Variants in MYO3B observed in about 807,000 individuals in gnomAD.
The protein encoded by MYO3B is myosin-IIIb.
Under a neutral mutation model 174.6 loss-of-function variants are expected in MYO3B, and 156 were observed. The ratio of observed to expected loss-of-function variants is 0.89; its 90% confidence interval spans 0.78 to 1.02. The LOEUF is 1.02. MYO3B is among the 50% of genes least tolerant of loss of function. The pLI, the probability that MYO3B is intolerant of heterozygous loss-of-function variation, is 0.00. For missense variants in MYO3B, 1,632 were observed against 1,639.4 expected (o/e 1.00, Z 0.08); for synonymous variants, 563 against 569.1 (o/e 0.99, Z 0.15).
At chr2:170,445,420 C>A (rs1445934190) in intron 23 of MYO3B, among the ~76,000 whole-genome samples, 1 of 151,786 alleles carries the variant, frequency 6.6e-6, no homozygotes, top group African/African-American at 2.4e-5. Context: ...TGGCTCACCA[C>A]AACCTCTGCC....
At chr2:170,423,171 T>TG (rs1310628240) in intron 22 of MYO3B, among the ~76,000 whole-genome samples, 1 of 151,586 alleles carries the variant, frequency 6.6e-6, no homozygotes, top group East Asian at 2.0e-4. Flanking sequence ...TTAGTAGAGA[T>TG]GGGGTTTCAC....
At position 170,649,320 on chromosome 2, in the gene MYO3B, AATAAT is replaced by A. The variant is rs1446834273; in HGVS notation, c.3734-2299_3734-2295del. 2.1e-3 allele frequency among the ~76,000 whole-genome samples: 202 copies of A among 95,692 alleles called. 8 individuals are homozygous for A. The highest frequency in any genetic ancestry group is 5.4e-3 in the Middle Eastern group (1 of 186). 62.8% of individuals were successfully genotyped at this position (95,692 alleles called of 152,430 possible). A position where few individuals can be genotyped will look rare whatever the true frequency, so the allele number is the denominator to read the frequency against. On this transcript the variant is annotated intron_variant, in intron 32 of 34. Transcript: ENST00000408978. Reference sequence around the variant, plus strand: ...ATAAAATAATATATATTATATATAAAATAATATAATATATATTATATATAAAATAA... The same window carrying A: ...ATAAAATAATATATATTATATATAAAATAATATATATTATATATAAAATAA...
chr2:170,500,383 T>C (rs1427153719), intron 27 of MYO3B, among the ~76,000 whole-genome samples: 2 of 152,146 alleles, frequency 1.3e-5, no homozygotes, highest in African/African-American at 4.8e-5. Flanking sequence ...TTTACTCCAG[T>C]CTTTCTTCCT....
At chr2:170,549,579 G>T (rs1227573357) in intron 32 of MYO3B, among the ~76,000 whole-genome samples, 2 of 151,928 alleles carry the variant, frequency 1.3e-5, no homozygotes, top group Non-Finnish European at 2.9e-5. Context: ...ATAGTTTTTG[G>T]CAGCAATTCA....
At chr2:170,221,656 A>G (rs1420308601) in intron 6 of MYO3B, among the ~76,000 whole-genome samples, 5 of 152,230 alleles carry the variant, frequency 3.3e-5, no homozygotes, top group African/African-American at 7.2e-5. Context: ...CCCTTAGTGT[A>G]TTAGAACTTT....
At chr2:170,501,373 A>C (rs1479996124) in intron 27 of MYO3B, among the ~76,000 whole-genome samples, 1 of 152,172 alleles carries the variant, frequency 6.6e-6, no homozygotes, top group Non-Finnish European at 1.5e-5. Context: ...CAAATAACAG[A>C]TTTTGAAAGG....
At chr2:170,414,445 C>T (rs926100128) in intron 22 of MYO3B, among the ~76,000 whole-genome samples, 3 of 152,150 alleles carry the variant, frequency 2.0e-5, no homozygotes, top group African/African-American at 7.2e-5. Context: ...CCTCAGCCTC[C>T]CAAAGTGTGG....
intron 3 of MYO3B, among the ~76,000 whole-genome samples, chr2:170,205,031 A>AG (rs1393492681): frequency 2.6e-4 from 40 of 152,120 alleles, no homozygotes; most frequent in African/African-American, 9.7e-4. Flanking sequence ...TCAACTTCAC[A>AG]GGACAGCTTC....
At position 170,652,130 on chromosome 2, in the gene MYO3B, G is replaced by C. The variant is rs1217203858; in HGVS notation, c.3863G>C (p.Ser1288Thr). The change falls in exon 34 of 35, where the codon AGC becomes ACC. Residue 1288 changes from serine (S) to threonine (T), a missense_variant. Coordinates refer to ENST00000408978, the MANE Select transcript of MYO3B (RefSeq NM_138995.5). ...CAGGGAACTCTAGAATATCAAGGGAGCAAGAGGAAGCCAAGAAAACTTGGG... is the reference window on the plus strand; with the variant it reads ...CAGGGAACTCTAGAATATCAAGGGACCAAGAGGAAGCCAAGAAAACTTGGG... Reference protein sequence around the residue: ...QLNGTLEYQGSKRKPRKLGQI... With the variant: ...QLNGTLEYQGTKRKPRKLGQI... 6.2e-7 allele frequency: 1 copy of C among 1,613,930 alleles called. No individual in the cohort carries two copies. Among genetic ancestry groups the C allele is most frequent in the African/African-American group, 1.3e-5 (1 of 74,922 alleles).
chr2:170,507,923 T>C (rs888147537), intron 28 of MYO3B, among the ~76,000 whole-genome samples: 1 of 152,306 alleles, frequency 6.6e-6, no homozygotes, highest in South Asian at 2.1e-4. Context: ...ATGGCATAGC[T>C]TGGAATGCAC....
At chr2:170,453,452 A>G (rs867236943) in intron 23 of MYO3B, among the ~76,000 whole-genome samples, 36 of 116,130 alleles carry the variant, frequency 3.1e-4, no homozygotes, top group African/African-American at 9.3e-4. Flanking sequence ...ACACACACAC[A>G]CGAGAGAGAG....
At chr2:170,503,688 C>T (rs1687433383) in intron 28 of MYO3B, among the ~76,000 whole-genome samples, 4 of 150,548 alleles carry the variant, frequency 2.7e-5, no homozygotes. Context: ...CCTCCCCTTT[C>T]TTAGCCTTGC....
At chr2:170,636,126 GTT>G (rs1341941471) in intron 32 of MYO3B, among the ~76,000 whole-genome samples, 105 of 152,246 alleles carry the variant, frequency 6.9e-4, no homozygotes, top group Non-Finnish European at 1.0e-4. Flanking sequence ...ACATATTCCA[GTT>G]ACCTTATTAT....
intron 12 of MYO3B, among the ~76,000 whole-genome samples, chr2:170,384,207 A>G (rs2094356891): frequency 6.6e-6 from 1 of 152,194 alleles, no homozygotes; most frequent in Non-Finnish European, 1.5e-5. Context: ...TTCATGATTC[A>G]GTCTTTTTTG....
At position 170,584,193 on chromosome 2, in the gene MYO3B, C is replaced by T. The variant is rs989463419; in HGVS notation, c.3733+40205C>T. Among the ~76,000 whole-genome samples, 3 of 152,250 alleles carry T rather than the reference C, an allele frequency of 2.0e-5. No individual in the cohort carries two copies. In the South Asian group the frequency reaches 6.2e-4, roughly 31 times the overall value. ...CTTTTCATCCAGGATTGTGGTCCCCCTATGGGGCTCTAATTCTGTGGTGTA... is the reference window on the plus strand; with the variant it reads ...CTTTTCATCCAGGATTGTGGTCCCCTTATGGGGCTCTAATTCTGTGGTGTA... On this transcript the variant is annotated intron_variant, in intron 32 of 34. Coordinates refer to ENST00000408978, the MANE Select transcript of MYO3B (RefSeq NM_138995.5).
rs556117113 is a variant in MYO3B at position 170,222,476 on chromosome 2, A to G, written c.603+5081A>G. Reference sequence around the variant, plus strand: ...TTCCTCTGAAGCCTCTAGGGGAGGGATCTTGCTTTGTCTCTTCCCAGCTAC... The same window carrying G: ...TTCCTCTGAAGCCTCTAGGGGAGGGGTCTTGCTTTGTCTCTTCCCAGCTAC... On this transcript the variant is annotated intron_variant, in intron 6 of 34. Coordinates refer to ENST00000408978, the MANE Select transcript of MYO3B (RefSeq NM_138995.5). 4.6e-5 allele frequency among the ~76,000 whole-genome samples: 7 copies of G among 152,078 alleles called. No individual in the cohort carries two copies. In the East Asian group the frequency reaches 1.2e-3, roughly 25 times the overall value.
intron 23 of MYO3B, among the ~76,000 whole-genome samples, chr2:170,455,714 A>G (rs1223370351): frequency 6.6e-6 from 1 of 152,222 alleles, no homozygotes; most frequent in Non-Finnish European, 1.5e-5. Context: ...AGCTTGCTCA[A>G]CTGCTGTGGT....
chr2:170,230,729 A>T (rs2093006697), intron 6 of MYO3B, among the ~76,000 whole-genome samples: 1 of 152,198 alleles, frequency 6.6e-6, no homozygotes, highest in Admixed American at 6.5e-5. Flanking sequence ...AAGTAGATAA[A>T]ATAATTATTA....
intron 32 of MYO3B, among the ~76,000 whole-genome samples, chr2:170,631,529 A>G (rs1028562059): frequency 3.3e-5 from 5 of 151,986 alleles, no homozygotes; most frequent in Admixed American, 2.0e-4. Context: ...GCCAACATTC[A>G]AATTCAGGAA....
Sources: gnomAD v4.1 joint callset for allele counts (sites outside exome capture counted in the v4.1 genomes callset) on GRCh38, gnomAD v4.1.1 for gene constraint, MANE v1.5 for transcripts, NCBI Gene and HGNC (gene_info 2026-07-23, HGNC 2026-07-21) for gene names.